The following PTCD1 variants were observed in gnomAD, a reference collection of about 807,000 sequenced individuals.
PTCD1 encodes pentatricopeptide repeat domain 1, also known as pentatricopeptide repeat-containing protein 1, mitochondrial.
A neutral mutation model predicts 53.4 loss-of-function variants in PTCD1; 50 were observed. That is an observed-to-expected ratio of 0.94 (90% CI 0.75 to 1.19). The LOEUF (loss-of-function observed/expected upper bound fraction) is 1.19. Ranked by LOEUF, PTCD1 falls within the 50% of genes most tolerant of loss-of-function variation. PTCD1 has a pLI of 0.00. For missense variants in PTCD1, 918 were observed against 904.8 expected (o/e 1.01, Z -0.19); for synonymous variants, 413 against 394.8 (o/e 1.05, Z -0.55).
intron 7 of PTCD1, among the ~76,000 whole-genome samples, chr7:99,420,871 C>CG: frequency 1.3e-5 from 2 of 152,020 alleles, no homozygotes; most frequent in South Asian, 4.1e-4. Context: ...GGCTTGAACC[C>CG]GGGAGGCAGA....
At chr7:99,420,946 C>CA (rs1005494339) in intron 7 of PTCD1, among the ~76,000 whole-genome samples, 15 of 144,550 alleles carry the variant, frequency 1.0e-4, no homozygotes, top group South Asian at 2.2e-4. Context: ...GACTCCATCT[C>CA]AAAAAAAAAC....
At position 99,425,115 on chromosome 7, in the gene PTCD1, C is replaced by T. The variant is rs1408565331; in HGVS notation, c.1417G>A (p.Gly473Ser). 1.2e-6 allele frequency: 2 copies of T among 1,614,012 alleles called. No homozygotes were observed. Among genetic ancestry groups the T allele is most frequent in the Admixed American group, 1.7e-5 (1 of 60,028 alleles). The change falls in exon 6 of 8, where the codon GGC becomes AGC. Residue 473 changes from glycine to serine, a missense_variant. Coordinates refer to ENST00000292478, the MANE Select transcript of PTCD1 (RefSeq NM_015545.4). ...TGCTCTGCCATCTTGCTCAGGAAGC[C>T]CTCCAGGCCCCCTATCAAGGCCAGC... ...DRLALIGGLE[G>S]FLSKMAEHRQ...
At chr7:99,436,486 G>A (rs1217083880) in intron 1 of PTCD1, among the ~76,000 whole-genome samples, 3 of 152,112 alleles carry the variant, frequency 2.0e-5, no homozygotes, top group Non-Finnish European at 4.4e-5. Context: ...GTGACAGCGT[G>A]CCCCTGTAAT....
intron 1 of PTCD1, among the ~76,000 whole-genome samples, chr7:99,436,089 G>A (rs1419184591): frequency 6.6e-6 from 1 of 152,082 alleles, no homozygotes; most frequent in Non-Finnish European, 1.5e-5. Flanking sequence ...GGAACTACAG[G>A]TGTGAGCCAC....
At chr7:99,421,629 C>T (rs960363954) in intron 7 of PTCD1, among the ~76,000 whole-genome samples, 1 of 150,756 alleles carries the variant, frequency 6.6e-6, no homozygotes, top group African/African-American at 2.4e-5. Flanking sequence ...GTGGCAGGCT[C>T]CTGTAATCCC....
In PTCD1 at chr7:99,429,838, C is replaced by T. The variant is rs758810410; in HGVS notation, c.595-32G>A. ...AGATGGAAGAAGCTCAGTGGTGGCC[C>T]GGGATCAGCTGGACGCACAGGTGAG... On this transcript the variant is annotated intron_variant, in intron 3 of 7. Transcript: ENST00000292478. The T allele has an allele frequency of 3.7e-6, 6 of 1,612,068 alleles. No homozygotes were observed. The African/African-American group carries it at 4.0e-5, about 11-fold the overall frequency.
chr7:99,417,779 TG>T lies in PTCD1; in HGVS notation c.*2187del, dbSNP rs2150938104. On this transcript the variant is annotated 3_prime_UTR_variant, in exon 8 of 8. Transcript: ENST00000292478. ...ATCCATGTGAGGCAGCGTGTGGCTG[TG>T]TGTTTGTTAGGTCTGGGGTCAATCT... is the stretch of plus-strand genomic sequence containing the variant. 3 of 1,530,404 alleles carry T rather than the reference TG, an allele frequency of 2.0e-6. No individual in the cohort carries two copies. The highest frequency in any genetic ancestry group is 2.0e-5 in the Admixed American group (1 of 50,788). The allele number at this position is 1,530,404 out of a possible 1,614,324, so 94.8% of individuals were successfully genotyped here.
chr7:99,419,865 G>C lies in PTCD1; in HGVS notation c.*102C>G. On this transcript the variant is annotated 3_prime_UTR_variant, in exon 8 of 8. Coordinates refer to ENST00000292478, the MANE Select transcript of PTCD1 (RefSeq NM_015545.4). ...TGTGACACGCTGCGGCTGTTCCTCA[G>C]GGCCTGGCTCTTCCCCCAGGCAGGA... 1.9e-6 allele frequency: 3 copies of C among 1,582,358 alleles called. No homozygotes were observed. The highest frequency in any genetic ancestry group is 2.7e-5 in the African/African-American group (2 of 74,560).
chr7:99,430,826 C>A (rs1796223202), intron 3 of PTCD1, among the ~76,000 whole-genome samples: 1 of 152,188 alleles, frequency 6.6e-6, no homozygotes. Context: ...AATCCCAGCA[C>A]TTTGGAAGGC....
Position 99,435,216 on chromosome 7 carries a change from C to T in PTCD1, c.27G>A (p.Leu9=), listed in dbSNP as rs1796412835. MDFVRLAR[L]FARARPMGLF... is the part of the protein sequence containing the mutation. ...GTCCCATGGGGCGGGCCCTGGCGAA[C>T]AGTCGAGCGAGTCTCACGAAGTCCA... The change falls in exon 2 of 8, where the codon CTG becomes CTA. Residue 9 remains leucine, a synonymous_variant. Coordinates refer to ENST00000292478, the MANE Select transcript of PTCD1 (RefSeq NM_015545.4). 1 of 1,603,542 alleles carries T rather than the reference C, an allele frequency of 6.2e-7. No homozygotes were observed. Among genetic ancestry groups the T allele is most frequent in the Non-Finnish European group, 8.5e-7 (1 of 1,179,942 alleles).
Position 99,438,684 on chromosome 7 carries a change from G to T in PTCD1, c.-27+8C>A, listed in dbSNP as rs938105970. The T allele has an allele frequency of 3.2e-6, 4 of 1,269,762 alleles. No individual in the cohort carries two copies. In the African/African-American group the frequency reaches 4.7e-5, roughly 15 times the overall value. The allele number at this position is 1,269,762 out of a possible 1,614,324, so 78.7% of individuals were successfully genotyped here. On this transcript the variant is annotated splice_region_variant and intron_variant, in intron 1 of 7. Transcript: ENST00000292478. ...CGGGGCTCCTGCGAGGATCACACAGGAACTCACTTGAAGTGTCCGGCGCAG... is the reference window on the plus strand; with the variant it reads ...CGGGGCTCCTGCGAGGATCACACAGTAACTCACTTGAAGTGTCCGGCGCAG...
chr7:99,426,380 C>T (rs1013125673), intron 5 of PTCD1, among the ~76,000 whole-genome samples: 7 of 152,212 alleles, frequency 4.6e-5, no homozygotes, highest in Non-Finnish European at 8.8e-5. Flanking sequence ...TTGGTGGAGA[C>T]GGGGTTTCGC....
In PTCD1 at chr7:99,434,548, G is replaced by A. The variant is rs563855590; in HGVS notation, c.453+242C>T. 3.3e-5 allele frequency among the ~76,000 whole-genome samples: 5 copies of A among 149,866 alleles called. 1 individual carries two copies. The South Asian group carries it at 1.1e-3, about 32-fold the overall frequency. ...GACAGACTCTTGTTCTGTGACTCAGGCTGGAGTCTAGTGGTAAGATCAGCT... is the reference window on the plus strand; with the variant it reads ...GACAGACTCTTGTTCTGTGACTCAGACTGGAGTCTAGTGGTAAGATCAGCT... On this transcript the variant is annotated intron_variant, in intron 2 of 7. Coordinates refer to ENST00000292478, the MANE Select transcript of PTCD1 (RefSeq NM_015545.4).
intron 6 of PTCD1, 76 bp downstream of exon 6, chr7:99,424,719 C>G: frequency 6.4e-7 from 1 of 1,569,652 alleles, no homozygotes; most frequent in Non-Finnish European, 8.7e-7. Flanking sequence ...GTCTGCAGAC[C>G]CCTCAAACTT....
At chr7:99,437,324 CT>C (rs879615507) in intron 1 of PTCD1, among the ~76,000 whole-genome samples, 197 of 143,124 alleles carry the variant, frequency 1.4e-3, no homozygotes, top group Non-Finnish European at 1.3e-3. Context: ...CTTTTCTTTT[CT>C]TTTTTTTTTT....
In PTCD1 at chr7:99,417,717, G is replaced by A; in HGVS notation, c.*2250C>T. 6.5e-7 allele frequency: 1 copy of A among 1,541,344 alleles called. No homozygotes were observed. The highest frequency in any genetic ancestry group is 8.7e-7 in the Non-Finnish European group (1 of 1,149,138). ...TCGTTTTGTCCCTGGATGTCCTGCT[G>A]GCTCTCCCTCGTGGGAGTGGGTCCC... is the stretch of plus-strand genomic sequence containing the variant. On this transcript the variant is annotated 3_prime_UTR_variant, in exon 8 of 8. Coordinates refer to ENST00000292478, the MANE Select transcript of PTCD1 (RefSeq NM_015545.4).
At chr7:99,427,811 C>T (rs1458005029) in intron 5 of PTCD1, among the ~76,000 whole-genome samples, 3 of 151,738 alleles carry the variant, frequency 2.0e-5, no homozygotes, top group Non-Finnish European at 4.4e-5. Context: ...TTACCCCCAA[C>T]CCTGTGCTCT....
chr7:99,419,250 A>C lies in PTCD1; in HGVS notation c.*717T>G. Reference sequence around the variant, plus strand: ...TGAGGGAGCCAAATTTTCCCTGTCCAGAGCTGTCAAGGAAGGGTTTCTGAG... The same window carrying C: ...TGAGGGAGCCAAATTTTCCCTGTCCCGAGCTGTCAAGGAAGGGTTTCTGAG... On this transcript the variant is annotated 3_prime_UTR_variant, in exon 8 of 8. Coordinates refer to ENST00000292478, the MANE Select transcript of PTCD1 (RefSeq NM_015545.4). The C allele has an allele frequency of 6.9e-6, 7 of 1,011,212 alleles. No individual in the cohort carries two copies. The highest frequency in any genetic ancestry group is 8.9e-6 in the Non-Finnish European group (6 of 670,548). 62.6% of individuals were successfully genotyped at this position (1,011,212 alleles called of 1,614,324 possible).
chr7:99,433,529 C>A (rs567315939), intron 2 of PTCD1, 111 bp from the exon 3 acceptor site: 1 of 1,588,960 alleles, frequency 6.3e-7, no homozygotes, highest in East Asian at 2.3e-5. Flanking sequence ...GAACGGCGGC[C>A]CTGGGTGACT....
Sources: allele counts gnomAD v4.1 joint callset (sites outside exome capture counted in the v4.1 genomes callset), GRCh38; gene constraint gnomAD v4.1.1; transcripts MANE v1.5; gene names NCBI Gene and HGNC (gene_info 2026-07-23, HGNC 2026-07-21).